SLCO3A1: variants seen among roughly 807,000 people sequenced by gnomAD.
The protein encoded by SLCO3A1 is PGE1 transporter.
In SLCO3A1, 27 loss-of-function variants were observed where a neutral mutation model predicts 63.1. The observed-to-expected ratio is 0.43, with a 90% CI of 0.32 to 0.59. SLCO3A1 has a LOEUF of 0.59. Among genes scored for constraint, SLCO3A1 ranks in the 20% least tolerant of loss-of-function variants. SLCO3A1 has a pLI of 0.09. For synonymous variants in SLCO3A1, 473 were observed against 409.9 expected (o/e 1.15, Z -1.86); for missense variants, 773 against 945.8 (o/e 0.82, Z 2.40).
At chr15:92,095,127 A>G (rs1396873747) in intron 3 of SLCO3A1, 148 bp downstream of exon 3, 3 of 599,708 alleles carry the variant, frequency 5.0e-6, no homozygotes, top group African/African-American at 3.7e-5. Flanking sequence ...CCGAGATTAG[A>G]TGAAAGAACG....
intron 1 of SLCO3A1, among the ~76,000 whole-genome samples, chr15:91,899,911 T>C (rs1248188427): frequency 3.3e-5 from 5 of 152,262 alleles, no homozygotes; most frequent in African/African-American, 4.8e-5. Context: ...TTGAGGTTAA[T>C]CTACATCATA....
At chr15:92,101,234 C>T (rs1267238685) in intron 3 of SLCO3A1, among the ~76,000 whole-genome samples, 1 of 152,152 alleles carries the variant, frequency 6.6e-6, no homozygotes, top group Non-Finnish European at 1.5e-5. Context: ...GTTAGCTGGG[C>T]ACAGTGGTTC....
intron 1 of SLCO3A1, among the ~76,000 whole-genome samples, chr15:91,898,318 G>T (rs1898061264): frequency 6.6e-6 from 1 of 152,246 alleles, no homozygotes; most frequent in African/African-American, 2.4e-5. Flanking sequence ...TCTTTCCAGA[G>T]AGTGCATTTC....
At chr15:92,081,670 C>G (rs1047227197) in intron 2 of SLCO3A1, among the ~76,000 whole-genome samples, 3 of 152,170 alleles carry the variant, frequency 2.0e-5, no homozygotes, top group African/African-American at 7.2e-5. Context: ...ACCCAGCCCA[C>G]TGATGGTGCT....
chr15:91,921,454 C>A (rs1392510683), intron 2 of SLCO3A1, among the ~76,000 whole-genome samples: 1 of 151,906 alleles, frequency 6.6e-6, no homozygotes, highest in African/African-American at 2.4e-5. Flanking sequence ...AGTACCAAAC[C>A]AAGACTACAC....
At chr15:91,960,416 T>TC (rs1196843617) in intron 2 of SLCO3A1, among the ~76,000 whole-genome samples, 1 of 152,200 alleles carries the variant, frequency 6.6e-6, no homozygotes, top group East Asian at 1.9e-4. Context: ...TACCACTTTT[T>TC]CACTGTGAAG....
chr15:92,063,297 C>A (rs560101356), intron 2 of SLCO3A1, among the ~76,000 whole-genome samples: 18 of 152,278 alleles, frequency 1.2e-4, no homozygotes, highest in African/African-American at 4.1e-4. Context: ...CCATTTCAGT[C>A]CAAACCCTGG....
chr15:91,898,442 T>G (rs1212984173), intron 1 of SLCO3A1, among the ~76,000 whole-genome samples: 4 of 152,214 alleles, frequency 2.6e-5, no homozygotes, highest in African/African-American at 7.2e-5. Flanking sequence ...AACATCTCAT[T>G]TCTGTAATTG....
At chr15:92,153,348 CCCA>C (rs1463420188) in intron 9 of SLCO3A1, 2 of 152,144 alleles carry the variant, frequency 1.3e-5, no homozygotes, top group African/African-American at 2.4e-5. Flanking sequence ...TTGGTTGTGA[CCCA>C]CCCTATTGAT....
chr15:92,145,814 C>T (rs967978787), intron 7 of SLCO3A1, among the ~76,000 whole-genome samples: 4 of 152,174 alleles, frequency 2.6e-5, no homozygotes, highest in Non-Finnish European at 4.4e-5. Flanking sequence ...GGAGCCCCAG[C>T]GTACGTCTGC....
At chr15:91,970,131 G>A (rs887956581) in intron 2 of SLCO3A1, among the ~76,000 whole-genome samples, 2 of 152,220 alleles carry the variant, frequency 1.3e-5, no homozygotes, top group African/African-American at 4.8e-5. Context: ...ACTAAAAAGA[G>A]GCATTGAAAT....
chr15:92,088,865 C>T (rs371393120), intron 2 of SLCO3A1, among the ~76,000 whole-genome samples: 1 of 152,144 alleles, frequency 6.6e-6, no homozygotes, highest in South Asian at 2.1e-4. Flanking sequence ...TCTTAGTCTA[C>T]AATCTTAATT....
At position 92,044,156 on chromosome 15, in the gene SLCO3A1, C is replaced by A. The variant is rs549519466; in HGVS notation, c.647-50725C>A. On this transcript the variant is annotated intron_variant, in intron 2 of 9. Coordinates refer to ENST00000318445, the MANE Select transcript of SLCO3A1 (RefSeq NM_013272.4). ...ACCTCTGCCTCATCTCCACCATGAC[C>A]TTCCCGGGGACACTCTCCTGTCTTG... Among the ~76,000 whole-genome samples the A allele has an allele frequency of 4.6e-5, 7 of 152,206 alleles. No individual in the cohort carries two copies. The South Asian group carries it at 1.5e-3, about 32-fold the overall frequency.
chr15:92,077,606 G>A (rs1335189962), intron 2 of SLCO3A1, among the ~76,000 whole-genome samples: 1 of 152,192 alleles, frequency 6.6e-6, no homozygotes, highest in African/African-American at 2.4e-5. Context: ...GGAGCACGAG[G>A]TGAGGATGGA....
At chr15:92,121,921 C>T in intron 5 of SLCO3A1, among the ~76,000 whole-genome samples, 1 of 152,142 alleles carries the variant, frequency 6.6e-6, no homozygotes, top group South Asian at 2.1e-4. Flanking sequence ...AGGGCTGTGT[C>T]CCTGAAGTGG....
intron 10 of SLCO3A1, chr15:92,171,673 T>G (rs1371964974): frequency 7.5e-6 from 6 of 797,768 alleles, no homozygotes; most frequent in Non-Finnish European, 1.3e-5. Flanking sequence ...TCTTGTCCCT[T>G]CACTGCAAAG....
chr15:92,088,812 C>G (rs889863550), intron 2 of SLCO3A1, among the ~76,000 whole-genome samples: 1 of 152,076 alleles, frequency 6.6e-6, no homozygotes, highest in Non-Finnish European at 1.5e-5. Context: ...TTTAAAAGAT[C>G]CTTGTGATAA....
At chr15:92,152,818 C>A (rs541751578) in intron 9 of SLCO3A1, among the ~76,000 whole-genome samples, 7 of 152,346 alleles carry the variant, frequency 4.6e-5, no homozygotes, top group Admixed American at 4.6e-4. Flanking sequence ...GTGACCTCAG[C>A]TCTGCCATTA....
At chr15:92,158,673 G>T (rs2151600991) in intron 9 of SLCO3A1, among the ~76,000 whole-genome samples, 1 of 152,262 alleles carries the variant, frequency 6.6e-6, no homozygotes, top group South Asian at 2.1e-4. Flanking sequence ...TAAGGATGTG[G>T]GGCTGGGCGT....
Sources: gnomAD v4.1 joint callset for allele counts (sites outside exome capture counted in the v4.1 genomes callset) on GRCh38, gnomAD v4.1.1 for gene constraint, MANE v1.5 for transcripts, NCBI Gene and HGNC (gene_info 2026-07-23, HGNC 2026-07-21) for gene names.